The following ACOX2 variants were observed in gnomAD, a reference collection of about 807,000 sequenced individuals.
The protein encoded by ACOX2 is acyl-CoA oxidase 2.
Under a neutral mutation model 77.5 loss-of-function variants are expected in ACOX2, and 59 were observed. The observed-to-expected ratio is 0.76, with a 90% CI of 0.62 to 0.95. ACOX2 has a LOEUF of 0.95. ACOX2 is among the 40% of genes least tolerant of loss of function. The pLI is 0.00. For missense variants in ACOX2, 837 were observed against 880.4 expected (o/e 0.95, Z 0.62); for synonymous variants, 317 against 340.1 (o/e 0.93, Z 0.75).
chr3:58,531,232 G>A lies in ACOX2; in HGVS notation c.819+19C>T, dbSNP rs748648458. 27 of 1,602,862 alleles carry A rather than the reference G, an allele frequency of 1.7e-5. No individual in the cohort carries two copies. In the East Asian group the frequency reaches 5.6e-4, roughly 33 times the overall value. ...CCTCTCCAGGAAGTACAAGTCCCCGGCCTCCCCAGATCTGTAACCTGTGCA... is the reference window on the plus strand; with the variant it reads ...CCTCTCCAGGAAGTACAAGTCCCCGACCTCCCCAGATCTGTAACCTGTGCA... On this transcript the variant is annotated intron_variant, in intron 7 of 14. Transcript: ENST00000302819. This position sits in a 1 kb window ranked among gnomAD's most constrained non-coding sequence, Gnocchi z 5.8.
At position 58,535,987 on chromosome 3, in the gene ACOX2, G is replaced by T; in HGVS notation, c.-91-790C>A. Among the ~76,000 whole-genome samples, 1 of 152,000 alleles carries T rather than the reference G, an allele frequency of 6.6e-6. No homozygotes were observed. Among genetic ancestry groups the T allele is most frequent in the East Asian group, 1.9e-4 (1 of 5,180 alleles). On this transcript the variant is annotated intron_variant, in intron 1 of 14. Transcript: ENST00000302819. The surrounding 1 kb of genome is among the most constrained non-coding windows in gnomAD (Gnocchi z 4.8). ...AGTGTTCCTCTTATTTGTTCTCCCA[G>T]CTGCCAGGTGAACTCTTGAACTGCA...
chr3:58,520,968 TCTCC>T (rs2063354081), intron 12 of ACOX2, among the ~76,000 whole-genome samples: 1 of 152,142 alleles, frequency 6.6e-6, no homozygotes, highest in Admixed American at 6.5e-5. Flanking sequence ...ATAATGTCAG[TCTCC>T]CTCCCAGGGC....
intron 1 of ACOX2, among the ~76,000 whole-genome samples, chr3:58,536,086 G>A (rs990183567): frequency 1.3e-5 from 2 of 151,926 alleles, no homozygotes; most frequent in Non-Finnish European, 2.9e-5. Flanking sequence ...AGTCCTTGCT[G>A]TGTCTACCCA....
intron 8 of ACOX2, among the ~76,000 whole-genome samples, chr3:58,529,713 G>A (rs180786864): frequency 6.6e-5 from 10 of 152,324 alleles, no homozygotes; most frequent in Admixed American, 5.9e-4. Context: ...AGGCGAGGGC[G>A]CTGTGAGCTT....
chr3:58,534,581 A>C lies in ACOX2; in HGVS notation c.161-59T>G. Reference sequence around the variant, plus strand: ...CTGGGTGAGGTTTCTGGCACCTTGAAATCTTCTCACCCACTTGCTTCATGG... The same window carrying C: ...CTGGGTGAGGTTTCTGGCACCTTGACATCTTCTCACCCACTTGCTTCATGG... On this transcript the variant is annotated intron_variant, in intron 2 of 14. Coordinates refer to ENST00000302819, the MANE Select transcript of ACOX2 (RefSeq NM_003500.4). This position sits in a 1 kb window ranked among gnomAD's most constrained non-coding sequence, Gnocchi z 4.8. 1 of 1,613,068 alleles carries C rather than the reference A, an allele frequency of 6.2e-7. No homozygotes were observed. The highest frequency in any genetic ancestry group is 8.5e-7 in the Non-Finnish European group (1 of 1,179,834).
chr3:58,533,468 G>C lies in ACOX2; in HGVS notation c.560C>G (p.Ala187Gly), dbSNP rs1293721341. 6.2e-7 allele frequency: 1 copy of C among 1,613,942 alleles called. No individual in the cohort carries two copies. Among genetic ancestry groups the C allele is most frequent in the Non-Finnish European group, 8.5e-7 (1 of 1,179,956 alleles). Residue 187 changes from alanine (A) to glycine (G), a missense_variant, in exon 5 of 15, where the codon GCC becomes GGC. Transcript: ENST00000302819. The surrounding 1 kb of genome is among the most constrained non-coding windows in gnomAD (Gnocchi z 5.6). ...EFVIHSPTLT[A>G]TKWWPGDLGR... ...ACAGTCTCCAGGCCACCATTTGGTG[G>C]CAGTCAGCGTGGGGCTGTGTATCAC...
chr3:58,509,248 C>T (rs370706567), intron 13 of ACOX2, among the ~76,000 whole-genome samples: 18 of 152,230 alleles, frequency 1.2e-4, no homozygotes, highest in African/African-American at 4.3e-4. Flanking sequence ...GCATATCCGG[C>T]CATGCGTGGT....
Position 58,524,626 on chromosome 3 carries a change from C to T in ACOX2, c.1347-21G>A. Reference sequence around the variant, plus strand: ...GGAACCTGGGGGTTGGAAGAGGAGGCAGGTGAGAGGGCAGAGACTCTGTGA... The same window carrying T: ...GGAACCTGGGGGTTGGAAGAGGAGGTAGGTGAGAGGGCAGAGACTCTGTGA... On this transcript the variant is annotated intron_variant, in intron 10 of 14. Transcript: ENST00000302819. This position sits in a 1 kb window ranked among gnomAD's most constrained non-coding sequence, Gnocchi z 5.5. 1.2e-6 allele frequency: 2 copies of T among 1,611,256 alleles called. No homozygotes were observed. Among genetic ancestry groups the T allele is most frequent in the Non-Finnish European group, 1.7e-6 (2 of 1,178,934 alleles).
intron 13 of ACOX2, among the ~76,000 whole-genome samples, chr3:58,513,402 T>C (rs2063300975): frequency 6.6e-6 from 1 of 152,224 alleles, no homozygotes. Flanking sequence ...ACAGCTAAGA[T>C]TGGTCCTCTT....
chr3:58,507,863 G>A (rs1020238934), intron 14 of ACOX2, among the ~76,000 whole-genome samples: 2 of 152,288 alleles, frequency 1.3e-5, no homozygotes, highest in Non-Finnish European at 2.9e-5. Flanking sequence ...GGTATGACAG[G>A]CTGCAAATTG....
In ACOX2 at chr3:58,526,154, C is replaced by T. The variant is rs371850940; in HGVS notation, c.1346+312G>A. 4.6e-5 allele frequency among the ~76,000 whole-genome samples: 7 copies of T among 152,212 alleles called. No homozygotes were observed. Among genetic ancestry groups the T allele is most frequent in the South Asian group, 2.1e-4 (1 of 4,822 alleles). The stretch of plus-strand genomic sequence containing the variant: ...CATTTTCCTATGAGCACTGGGAAGC[C>T]GTTGAAGAATTTCAAACCAGAGAAA... On this transcript the variant is annotated intron_variant, in intron 10 of 14. Transcript: ENST00000302819. This position sits in a 1 kb window ranked among gnomAD's most constrained non-coding sequence, Gnocchi z 4.3.
At position 58,531,564 on chromosome 3, in the gene ACOX2, A is replaced by T. The variant is rs922431218; in HGVS notation, c.703+129T>A. The stretch of plus-strand genomic sequence containing the variant: ...TAGCCAGTTAGCACCAAGTCTGTCC[A>T]ACTGGACCGCTCCCTGCCCAAGGGA... On this transcript the variant is annotated intron_variant, in intron 6 of 14. Transcript: ENST00000302819. The surrounding 1 kb of genome is among the most constrained non-coding windows in gnomAD (Gnocchi z 5.8). 1.3e-4 allele frequency: 185 copies of T among 1,443,674 alleles called. No individual in the cohort carries two copies. The highest frequency in any genetic ancestry group is 1.3e-4 in the Non-Finnish European group (138 of 1,064,998). The allele number at this position is 1,443,674 out of a possible 1,614,324, so 89.4% of individuals were successfully genotyped here.
chr3:58,524,057 CGAGT>C lies in ACOX2; in HGVS notation c.1526+365_1526+368del, dbSNP rs970189429. 2.0e-5 allele frequency among the ~76,000 whole-genome samples: 3 copies of C among 152,172 alleles called. No individual in the cohort carries two copies. Among genetic ancestry groups the C allele is most frequent in the African/African-American group, 7.2e-5 (3 of 41,444 alleles). ...TAGATTATGGGATATTTCAAACGTA[CGAGT>C]GAGTATTGCTTTATTTATTGGTATT... On this transcript the variant is annotated intron_variant, in intron 11 of 14. Coordinates refer to ENST00000302819, the MANE Select transcript of ACOX2 (RefSeq NM_003500.4). The surrounding 1 kb of genome is among the most constrained non-coding windows in gnomAD (Gnocchi z 5.5).
rs566199658 is a variant in ACOX2, at chr3:58,521,490, C to T, written c.1632+1006G>A. On this transcript the variant is annotated intron_variant, in intron 12 of 14. Transcript: ENST00000302819. The surrounding 1 kb of genome is among the most constrained non-coding windows in gnomAD (Gnocchi z 4.8). ...GAGGCCTGTCCCTGCCTTCTTCCCCCTTAGCATCTCTGATCTACCCACTTG... is the reference window on the plus strand; with the variant it reads ...GAGGCCTGTCCCTGCCTTCTTCCCCTTTAGCATCTCTGATCTACCCACTTG... Among the ~76,000 whole-genome samples the T allele has an allele frequency of 5.3e-5, 8 of 152,334 alleles. No individual in the cohort carries two copies. The highest frequency in any genetic ancestry group is 1.2e-4 in the Non-Finnish European group (8 of 68,044).
rs1024179971 is a variant in ACOX2, at chr3:58,514,833, A to G, written c.1850+2373T>C. ...CATCACTGACAACCGGGGCTAGAAC[A>G]TTATTTTCAAGTGCTTTTAAATTCT... On this transcript the variant is annotated intron_variant, in intron 13 of 14. Coordinates refer to ENST00000302819, the MANE Select transcript of ACOX2 (RefSeq NM_003500.4). This position sits in a 1 kb window ranked among gnomAD's most constrained non-coding sequence, Gnocchi z 4.3. 2.0e-5 allele frequency among the ~76,000 whole-genome samples: 3 copies of G among 152,194 alleles called. No individual in the cohort carries two copies. Among genetic ancestry groups the G allele is most frequent in the African/African-American group, 7.2e-5 (3 of 41,446 alleles).
intron 8 of ACOX2, among the ~76,000 whole-genome samples, chr3:58,530,021 G>T (rs544121276): frequency 1.3e-5 from 2 of 152,216 alleles, no homozygotes; most frequent in Non-Finnish European, 2.9e-5. Flanking sequence ...ACACACAGTC[G>T]ATATGATATT....
intron 9 of ACOX2, among the ~76,000 whole-genome samples, chr3:58,527,742 T>C (rs866456343): frequency 3.3e-5 from 5 of 152,066 alleles, no homozygotes; most frequent in Non-Finnish European, 5.9e-5. Context: ...TGGACTGGAG[T>C]GCAGTGGCAC....
At chr3:58,511,984 C>T (rs1431362144) in intron 13 of ACOX2, among the ~76,000 whole-genome samples, 1 of 152,232 alleles carries the variant, frequency 6.6e-6, no homozygotes, top group African/African-American at 2.4e-5. Context: ...TCTCTTCATG[C>T]ACTCCTTGTG....
intron 12 of ACOX2, among the ~76,000 whole-genome samples, chr3:58,518,193 A>G (rs1438285704): frequency 1.3e-5 from 2 of 152,096 alleles, no homozygotes; most frequent in African/African-American, 4.8e-5. Flanking sequence ...GGGGTGAGAA[A>G]GTTTCAAGAT....
Sources: allele counts gnomAD v4.1 joint callset (sites outside exome capture counted in the v4.1 genomes callset), GRCh38; gene constraint gnomAD v4.1.1; non-coding constraint Gnocchi (gnomAD v3.1); transcripts MANE v1.5; gene names NCBI Gene and HGNC (gene_info 2026-07-23, HGNC 2026-07-21).